The following TENT2 variants were observed in gnomAD, a reference collection of about 807,000 sequenced individuals.
The protein encoded by TENT2 is terminal nucleotidyltransferase 2, also known as poly(A) RNA polymerase GLD2.
In TENT2, 44 loss-of-function variants were observed where a neutral mutation model predicts 72.2. The observed-to-expected ratio is 0.61, with a 90% CI of 0.48 to 0.78. The LOEUF (loss-of-function observed/expected upper bound fraction) is 0.78, where lower values mean the gene tolerates loss of function less well. Ranked by LOEUF, TENT2 falls within the 30% of genes least tolerant of loss-of-function variation. The probability of loss-of-function intolerance (pLI) is 0.00; values close to 1 mark genes in which losing one functional copy is unlikely to be tolerated. For synonymous variants in TENT2, 212 were observed against 192.5 expected (o/e 1.10, Z -0.84); for missense variants, 541 against 569.6 (o/e 0.95, Z 0.51).
intron 12 of TENT2, 53 bp from the exon 13 acceptor site, chr5:79,679,521 AATAAT>A (rs1820078159): frequency 8.4e-6 from 11 of 1,314,956 alleles, no homozygotes; most frequent in Non-Finnish European, 1.1e-5. Context: ...ATACAATAAA[AATAAT>A]ATAAGAGAAA....
chr5:79,680,333 C>T (rs546045402), intron 13 of TENT2, among the ~76,000 whole-genome samples: 2 of 152,184 alleles, frequency 1.3e-5, no homozygotes, highest in African/African-American at 4.8e-5. Context: ...GAAATTAAAT[C>T]TCCTGCTTTG....
At chr5:79,680,649 T>A (rs1208616896) in intron 13 of TENT2, among the ~76,000 whole-genome samples, 1 of 152,194 alleles carries the variant, frequency 6.6e-6, no homozygotes, top group African/African-American at 2.4e-5. Flanking sequence ...TTTCTAGGTC[T>A]TTCCCCTCGG....
intron 11 of TENT2, among the ~76,000 whole-genome samples, chr5:79,664,942 A>G (rs1413461744): frequency 1.3e-5 from 2 of 152,170 alleles, no homozygotes; most frequent in African/African-American, 4.8e-5. Context: ...CTTCAAAGCT[A>G]ATGCTCTTAG....
rs866604880 is a variant in TENT2, at chr5:79,633,705, T to C, written c.466-7146T>C. On this transcript the variant is annotated intron_variant, in intron 4 of 14. Coordinates refer to ENST00000453514, the MANE Select transcript of TENT2 (RefSeq NM_001114394.3). ...TGCTGGAATTACAGGCATGAGCCAC[T>C]GTGCCAGGCTAAAAAGTTTTTTTTT... 6.1e-4 allele frequency among the ~76,000 whole-genome samples: 91 copies of C among 148,572 alleles called. 1 individual carries two copies. In the Middle Eastern group the frequency reaches 0.017, roughly 28 times the overall value.
In TENT2 at chr5:79,656,986, C is replaced by A. The variant is rs749512048; in HGVS notation, c.1056C>A (p.Leu352=). ...QTLPEPILPS[L]QKIYPESFSP... The stretch of plus-strand genomic sequence containing the variant: ...TACCTGAACCCATCCTTCCATCCCT[C>A]CAAAAAATTTACCCAGTAAGTGTTT... The change falls in exon 11 of 15, where the codon CTC becomes CTA. Residue 352 remains leucine (L), a synonymous_variant. Coordinates refer to ENST00000453514, the MANE Select transcript of TENT2 (RefSeq NM_001114394.3). The A allele has an allele frequency of 1.2e-6, 2 of 1,602,568 alleles. No individual in the cohort carries two copies. Among genetic ancestry groups the A allele is most frequent in the Non-Finnish European group, 1.7e-6 (2 of 1,171,444 alleles).
At chr5:79,659,949 A>C (rs1185126928) in intron 11 of TENT2, among the ~76,000 whole-genome samples, 2 of 152,032 alleles carry the variant, frequency 1.3e-5, no homozygotes, top group East Asian at 3.9e-4. Context: ...TAAGTTAACA[A>C]CAACGAAAAA....
chr5:79,628,083 G>T (rs981243802), intron 4 of TENT2, among the ~76,000 whole-genome samples: 1 of 152,120 alleles, frequency 6.6e-6, no homozygotes, highest in Admixed American at 6.5e-5. Flanking sequence ...AAGAGAAGGA[G>T]GTTAAGATAC....
At chr5:79,653,148 A>T (rs6884654) in intron 10 of TENT2, among the ~76,000 whole-genome samples, 50,296 of 151,920 alleles carry the variant, frequency 0.33, 11,324 homozygotes, top group African/African-American at 0.65. Flanking sequence ...AAATGTACGT[A>T]AATCACAGAT....
intron 11 of TENT2, among the ~76,000 whole-genome samples, chr5:79,659,556 G>A (rs954425443): frequency 0.022 from 728 of 33,796 alleles, 11 homozygotes; most frequent in Middle Eastern, 0.045. Context: ...AAAAAAAAAT[G>A]TATATATATA....
At chr5:79,673,596 C>T (rs182548205) in intron 12 of TENT2, among the ~76,000 whole-genome samples, 68 of 152,118 alleles carry the variant, frequency 4.5e-4, no homozygotes, top group African/African-American at 1.6e-3. Context: ...AAAATGAGTT[C>T]ACTGTAGATG....
intron 6 of TENT2, 103 bp from the exon 7 acceptor site, chr5:79,642,724 CAAAGG>C: frequency 1.2e-6 from 1 of 829,710 alleles, no homozygotes; most frequent in Non-Finnish European, 1.8e-6. Context: ...AAAATAACTC[CAAAGG>C]AAAGTATATC....
At chr5:79,646,332 C>A (rs1348737674) in intron 8 of TENT2, among the ~76,000 whole-genome samples, 1 of 152,118 alleles carries the variant, frequency 6.6e-6, no homozygotes, top group East Asian at 1.9e-4. Context: ...CAAATAGAAG[C>A]ACAACATAAA....
intron 11 of TENT2, among the ~76,000 whole-genome samples, chr5:79,661,259 C>G (rs1229373279): frequency 6.6e-6 from 1 of 152,146 alleles, no homozygotes; most frequent in Non-Finnish European, 1.5e-5. Flanking sequence ...CCTTCACATT[C>G]ACTCACTACT....
At chr5:79,614,731 T>C (rs911272750) in intron 1 of TENT2, among the ~76,000 whole-genome samples, 24 of 152,218 alleles carry the variant, frequency 1.6e-4, no homozygotes, top group African/African-American at 5.5e-4. Flanking sequence ...TAAAATTTTG[T>C]GGAGGTCCCC....
chr5:79,654,026 C>T lies in TENT2; in HGVS notation c.1028-2932C>T, dbSNP rs1450785173. ...GTAGAAAAGGTTAAAAAGATTAACA[C>T]ATTTCCTAGAATAAATTCCAGTAGT... is the stretch of plus-strand genomic sequence containing the variant. On this transcript the variant is annotated intron_variant, in intron 10 of 14. Coordinates refer to ENST00000453514, the MANE Select transcript of TENT2 (RefSeq NM_001114394.3). 1.3e-5 allele frequency among the ~76,000 whole-genome samples: 2 copies of T among 152,160 alleles called. 1 individual carries two copies. The highest frequency in any genetic ancestry group is 2.9e-5 in the Non-Finnish European group (2 of 68,022).
chr5:79,635,585 T>C (rs1779451061), intron 4 of TENT2, among the ~76,000 whole-genome samples: 1 of 152,138 alleles, frequency 6.6e-6, no homozygotes, highest in East Asian at 1.9e-4. Flanking sequence ...GACAGAGTCT[T>C]GCTCTGTTGC....
intron 10 of TENT2, among the ~76,000 whole-genome samples, chr5:79,656,084 T>C (rs1797751764): frequency 6.6e-6 from 1 of 152,006 alleles, no homozygotes; most frequent in Non-Finnish European, 1.5e-5. Context: ...TCCTAATTCT[T>C]AAATCCTTCC....
intron 11 of TENT2, among the ~76,000 whole-genome samples, chr5:79,662,561 A>G (rs1465493755): frequency 6.6e-6 from 1 of 152,194 alleles, no homozygotes; most frequent in African/African-American, 2.4e-5. Context: ...GCATGAAAAC[A>G]TTAATCTCTT....
rs367943099 is a variant in TENT2 at position 79,668,944 on chromosome 5, A to G, written c.1124A>G (p.Asn375Ser). Reference protein sequence around the residue: ...QLHLVHQAPCNVPPYLSKNES... With the variant: ...QLHLVHQAPCSVPPYLSKNES... ...CACCTTGTACATCAAGCTCCATGTA[A>G]TGTTCCTCCTTACCTCTCAAAGAAT... The change falls in exon 12 of 15, where the codon AAT (asparagine) becomes AGT (serine). Residue 375 changes from asparagine (N) to serine (S), a missense_variant. By Grantham distance (46) the Asn-to-Ser change is conservative (BLOSUM62 1). Transcript: ENST00000453514. 9 of 1,613,642 alleles carry G rather than the reference A, an allele frequency of 5.6e-6. 1 individual carries two copies. Among genetic ancestry groups the G allele is most frequent in the Admixed American group, 5.0e-5 (3 of 59,982 alleles).
Sources: gnomAD v4.1 joint callset for allele counts (sites outside exome capture counted in the v4.1 genomes callset) on GRCh38, gnomAD v4.1.1 for gene constraint, MANE v1.5 for transcripts, NCBI Gene and HGNC (gene_info 2026-07-23, HGNC 2026-07-21) for gene names.